The following ISCA1 variants were observed in gnomAD, a reference collection of about 807,000 sequenced individuals.
ISCA1 encodes the protein iron-sulfur cluster assembly 1 homolog, mitochondrial.
A neutral mutation model predicts 14.7 loss-of-function variants in ISCA1; 9 were observed. The observed-to-expected ratio is 0.61, with a 90% confidence interval of 0.37 to 1.07. The LOEUF (loss-of-function observed/expected upper bound fraction) is 1.07, where lower values mean the gene tolerates loss of function less well. ISCA1 is among the 50% of genes least tolerant of loss of function. The pLI, the probability that ISCA1 is intolerant of heterozygous loss-of-function variation, is 0.01. For synonymous variants in ISCA1, 38 were observed against 54.3 expected, an observed-to-expected ratio of 0.70 and a Z score of 1.32; for missense variants, 102 against 150.1, an observed-to-expected ratio of 0.68 and a Z score of 1.67.
chr9:86,271,718 G>C (rs1564009214), intron 3 of ISCA1, among the ~76,000 whole-genome samples: 1 of 152,170 alleles, frequency 6.6e-6, no homozygotes, highest in Non-Finnish European at 1.5e-5. Context: ...GTTACTAAGA[G>C]CAGTCTCTGG....
At chr9:86,271,779 T>C (rs1277520443) in intron 3 of ISCA1, among the ~76,000 whole-genome samples, 2 of 152,238 alleles carry the variant, frequency 1.3e-5, no homozygotes, top group African/African-American at 4.8e-5. Context: ...TTAACCCCTC[T>C]GTGCCTCAGT....
At chr9:86,266,219 GA>G (rs750958307) in intron 3 of ISCA1, 28 bp from the exon 4 acceptor site, 67 of 1,584,342 alleles carry the variant, frequency 4.2e-5, no homozygotes, top group Non-Finnish European at 7.7e-6. Context: ...ATGTGTCATG[GA>G]AAGCCTGCAG....
chr9:86,266,882 G>A (rs1478529147), intron 3 of ISCA1: 1 of 151,814 alleles, frequency 6.6e-6, no homozygotes, highest in Non-Finnish European at 1.5e-5. Context: ...AATTTTTTTA[G>A]AGTCAGGGTT....
chr9:86,274,386 AG>A (rs1216807255), intron 1 of ISCA1, 144 bp from the exon 2 acceptor site: 7 of 615,398 alleles, frequency 1.1e-5, no homozygotes, highest in African/African-American at 1.1e-4. Context: ...GACTTTATAT[AG>A]AAACACATAA....
intron 3 of ISCA1, among the ~76,000 whole-genome samples, chr9:86,271,562 C>T (rs1825368996): frequency 6.6e-6 from 1 of 152,158 alleles, no homozygotes; most frequent in South Asian, 2.1e-4. Flanking sequence ...TTGGAATGCT[C>T]AACTCGTACT....
At chr9:86,275,094 C>T (rs2131224804) in intron 1 of ISCA1, among the ~76,000 whole-genome samples, 1 of 152,296 alleles carries the variant, frequency 6.6e-6, no homozygotes, top group Middle Eastern at 3.4e-3. Context: ...GACTTCTATT[C>T]CCTTACTGGT....
intron 1 of ISCA1, 59 bp downstream of exon 1, chr9:86,282,319 C>T: frequency 6.6e-7 from 1 of 1,508,792 alleles, no homozygotes; most frequent in African/African-American, 1.4e-5. Context: ...GTGACCTCCC[C>T]TTGCACGGGG....
At chr9:86,277,488 C>T (rs1391990228) in intron 1 of ISCA1, among the ~76,000 whole-genome samples, 7 of 152,240 alleles carry the variant, frequency 4.6e-5, no homozygotes, top group East Asian at 3.9e-4. Context: ...TAAAAAAAAT[C>T]GAGCTATAAG....
At chr9:86,275,263 C>T (rs940484764) in intron 1 of ISCA1, among the ~76,000 whole-genome samples, 6 of 152,262 alleles carry the variant, frequency 3.9e-5, no homozygotes, top group African/African-American at 1.4e-4. Flanking sequence ...GTCCTTCCTA[C>T]TTTATCAGCT....
Position 86,274,203 on chromosome 9 carries a change from C to G in ISCA1, c.121G>C (p.Asp41His), listed in dbSNP as rs1825410978. 1 of 1,585,664 alleles carries G rather than the reference C, an allele frequency of 6.3e-7. No homozygotes were observed. Among genetic ancestry groups the G allele is most frequent in the African/African-American group, 1.3e-5 (1 of 74,308 alleles). ...GTTTTACTTACATGCTCAGGCTTATCTTTAAGAAGTTGTTTTATCTTGTTT... is the reference window on the plus strand; with the variant it reads ...GTTTTACTTACATGCTCAGGCTTATGTTTAAGAAGTTGTTTTATCTTGTTT... Reference protein sequence around the residue: ...AVNKIKQLLKDKPEHVGVKVG... With the variant: ...AVNKIKQLLKHKPEHVGVKVG... The change falls in exon 2 of 4, where the codon GAT becomes CAT. Residue 41 changes from aspartate (D) to histidine (H), a missense_variant. Transcript: ENST00000375991.
Position 86,264,934 on chromosome 9 carries a change from G to A in ISCA1, c.*1109C>T, listed in dbSNP as rs1021325826. On this transcript the variant is annotated 3_prime_UTR_variant, in exon 4 of 4. Coordinates refer to ENST00000375991, the MANE Select transcript of ISCA1 (RefSeq NM_030940.4). ...CAACTGGACCGAGGAACCAGAAAAT[G>A]TATGCACACTGGGAATTTTAACAAA... 1 of 152,162 alleles carries A rather than the reference G, an allele frequency of 6.6e-6. No homozygotes were observed. Among genetic ancestry groups the A allele is most frequent in the African/African-American group, 2.4e-5 (1 of 41,432 alleles). The allele number at this position is 152,162 out of a possible 1,614,324, so 9.4% of individuals were successfully genotyped here. A position where few individuals can be genotyped will look rare whatever the true frequency, so the allele number is the denominator to read the frequency against.
chr9:86,272,150 T>A (rs1229756854), intron 2 of ISCA1, 38 bp from the exon 3 acceptor site: 2 of 1,198,398 alleles, frequency 1.7e-6, no homozygotes, highest in South Asian at 2.5e-5. Flanking sequence ...GGTTTTAAAG[T>A]AGTACAGATT....
At chr9:86,266,242 T>C (rs748897166) in intron 3 of ISCA1, 51 bp from the exon 4 acceptor site, 4 of 1,539,108 alleles carry the variant, frequency 2.6e-6, no homozygotes, top group East Asian at 4.5e-5. Flanking sequence ...CTTATGGAAC[T>C]TGCTGATTCA....
intron 1 of ISCA1, among the ~76,000 whole-genome samples, chr9:86,279,104 A>T (rs896610898): frequency 2.6e-5 from 4 of 152,218 alleles, no homozygotes; most frequent in Admixed American, 2.6e-4. Flanking sequence ...TTCTGGTTCT[A>T]GTCCAATGAA....
chr9:86,276,702 C>T (rs1006987474), intron 1 of ISCA1, among the ~76,000 whole-genome samples: 1 of 151,748 alleles, frequency 6.6e-6, no homozygotes, highest in Non-Finnish European at 1.5e-5. Context: ...GAAACCCCGT[C>T]TCTATTAAAA....
chr9:86,273,155 T>G (rs933423863), intron 2 of ISCA1, among the ~76,000 whole-genome samples: 3 of 152,186 alleles, frequency 2.0e-5, no homozygotes, highest in Non-Finnish European at 2.9e-5. Context: ...AAAAGGTAGG[T>G]TTGAGAACTT....
intron 1 of ISCA1, chr9:86,282,169 A>G (rs1570585): frequency 1.0e-5 from 6 of 592,052 alleles, no homozygotes; most frequent in East Asian, 9.5e-5. Context: ...TTCCGGGGCC[A>G]AGAGAGCAGC....
intron 3 of ISCA1, among the ~76,000 whole-genome samples, chr9:86,268,514 T>G (rs1177172234): frequency 1.3e-5 from 2 of 151,758 alleles, no homozygotes; most frequent in African/African-American, 2.4e-5. Flanking sequence ...AATTTATTAT[T>G]GAAGACTAAG....
chr9:86,282,489 G>C lies in ISCA1; in HGVS notation c.-31C>G, dbSNP rs1564011539. On this transcript the variant is annotated 5_prime_UTR_variant, in exon 1 of 4. Transcript: ENST00000375991. ...CCGTCCCGGCGCCCCGGTGCCTCGG[G>C]CCGAAGGTCGGCCGCCTCAGCTTCT... 1.9e-6 allele frequency: 3 copies of C among 1,550,168 alleles called. No individual in the cohort carries two copies. The South Asian group carries it at 3.6e-5, about 18-fold the overall frequency.
Sources: allele counts gnomAD v4.1 joint callset (sites outside exome capture counted in the v4.1 genomes callset), GRCh38; gene constraint gnomAD v4.1.1; transcripts MANE v1.5; gene names NCBI Gene and HGNC (gene_info 2026-07-23, HGNC 2026-07-21).